Variants in GRID1 observed in about 807,000 individuals in gnomAD.
The protein encoded by GRID1 is glutamate ionotropic receptor delta type subunit 1, also known as glutamate receptor ionotropic, delta-1.
GRID1 carries 28 observed loss-of-function variants against 98.0 expected under a neutral mutation model. The ratio of observed to expected loss-of-function variants is 0.29; its 90% CI spans 0.21 to 0.39. The LOEUF (loss-of-function observed/expected upper bound fraction) is 0.39, where lower values mean the gene tolerates loss of function less well. Among genes scored for constraint, GRID1 ranks in the 10% least tolerant of loss-of-function variants. The pLI, the probability that GRID1 is intolerant of heterozygous loss-of-function variation, is 1.00. For missense variants in GRID1, 1,111 were observed against 1,340.5 expected, an observed-to-expected ratio of 0.83 and a Z score of 2.67; for synonymous variants, 553 against 538.5, an observed-to-expected ratio of 1.03 and a Z score of -0.37.
intron 2 of GRID1, among the ~76,000 whole-genome samples, chr10:86,363,566 C>G (rs1024596550): frequency 5.9e-5 from 9 of 152,146 alleles, no homozygotes; most frequent in Admixed American, 5.9e-4. Flanking sequence ...GAGGTGCGCC[C>G]GATACAGGTA....
intron 3 of GRID1, among the ~76,000 whole-genome samples, chr10:86,160,991 CTAAA>C (rs2131986320): frequency 6.6e-6 from 1 of 152,336 alleles, no homozygotes; most frequent in Admixed American, 6.5e-5. Context: ...GGGTGCTCCC[CTAAA>C]TACTCAAGAA....
chr10:85,703,020 A>G (rs1380202712), intron 12 of GRID1, among the ~76,000 whole-genome samples: 1 of 151,920 alleles, frequency 6.6e-6, no homozygotes, highest in Non-Finnish European at 1.5e-5. Context: ...GGGAGAAGAG[A>G]GAAAGTTGTG....
chr10:85,707,082 C>G (rs1205315633), intron 12 of GRID1, among the ~76,000 whole-genome samples: 1 of 152,174 alleles, frequency 6.6e-6, no homozygotes, highest in Non-Finnish European at 1.5e-5. Context: ...ACACCAAAAG[C>G]AATGACAACA....
chr10:85,783,570 CACA>C (rs1842399605), intron 8 of GRID1, among the ~76,000 whole-genome samples: 1 of 152,266 alleles, frequency 6.6e-6, no homozygotes, highest in African/African-American at 2.4e-5. Flanking sequence ...TCTGAGGATT[CACA>C]GAAAATAAAC....
chr10:86,239,026 C>A (rs995651825), intron 2 of GRID1, among the ~76,000 whole-genome samples: 2 of 152,174 alleles, frequency 1.3e-5, no homozygotes, highest in Non-Finnish European at 2.9e-5. Flanking sequence ...GATCCACCAA[C>A]AGCTTGCAAC....
Position 86,139,860 on chromosome 10 carries a change from T to C in GRID1, c.521-836A>G, listed in dbSNP as rs142119403. On this transcript the variant is annotated intron_variant, in intron 3 of 15. Coordinates refer to ENST00000327946, the MANE Select transcript of GRID1 (RefSeq NM_017551.3). ...TAGTTGCACTGCACACTGCTACAAA[T>C]CTATCCTTGTGAGGCCTGAGGGTGC... 7.6e-4 allele frequency among the ~76,000 whole-genome samples: 115 copies of C among 152,284 alleles called. 1 individual carries two copies. In the East Asian group the frequency reaches 0.012, roughly 16 times the overall value.
intron 5 of GRID1, among the ~76,000 whole-genome samples, chr10:85,907,738 A>G (rs1841482477): frequency 6.6e-6 from 1 of 152,186 alleles, no homozygotes; most frequent in Non-Finnish European, 1.5e-5. Flanking sequence ...TTAAATACCA[A>G]TATACCTGGT....
chr10:86,194,420 C>T (rs761254646), intron 3 of GRID1, among the ~76,000 whole-genome samples: 1 of 152,106 alleles, frequency 6.6e-6, no homozygotes, highest in Non-Finnish European at 1.5e-5. Flanking sequence ...TGTCACCAAA[C>T]AATGCCCGGG....
chr10:85,648,975 C>T (rs758498900), intron 12 of GRID1, among the ~76,000 whole-genome samples: 23 of 152,204 alleles, frequency 1.5e-4, no homozygotes, highest in Non-Finnish European at 2.5e-4. Context: ...TTAACTTATC[C>T]GTGCCTCAGT....
At chr10:85,946,313 G>C (rs1457449682) in intron 4 of GRID1, among the ~76,000 whole-genome samples, 1 of 152,194 alleles carries the variant, frequency 6.6e-6, no homozygotes, top group Non-Finnish European at 1.5e-5. Context: ...TGTGCTCAAT[G>C]CCCTGAGAAG....
chr10:86,306,882 T>C (rs73338239), intron 2 of GRID1, among the ~76,000 whole-genome samples: 10,870 of 152,262 alleles, frequency 0.071, 1,103 homozygotes, highest in African/African-American at 0.23. Context: ...TCCACCTTTG[T>C]TGCGATACAG....
intron 8 of GRID1, among the ~76,000 whole-genome samples, chr10:85,840,413 T>A (rs1187357853): frequency 6.6e-6 from 1 of 152,114 alleles, no homozygotes; most frequent in Non-Finnish European, 1.5e-5. Flanking sequence ...AGCATTCCCC[T>A]TGAAAACTGG....
rs568611741 is a variant in GRID1 at position 85,901,212 on chromosome 10, A to ATTTAT, written c.780+14969_780+14973dup. 3.7e-3 allele frequency among the ~76,000 whole-genome samples: 548 copies of ATTTAT among 149,400 alleles called. 3 individuals are homozygous for ATTTAT. Among genetic ancestry groups the ATTTAT allele is most frequent in the African/African-American group, 0.013 (505 of 40,018 alleles). ...AGAGCTATCTTTTATTTATTTATTCATTTATTTTATTTTATTTTATTTATT... is the reference window on the plus strand; with the variant it reads ...AGAGCTATCTTTTATTTATTTATTCATTTATTTTATTTTATTTTATTTTATTTATT... On this transcript the variant is annotated intron_variant, in intron 5 of 15. Transcript: ENST00000327946.
At chr10:85,670,881 C>T (rs1841077834) in intron 12 of GRID1, among the ~76,000 whole-genome samples, 1 of 152,204 alleles carries the variant, frequency 6.6e-6, no homozygotes, top group Non-Finnish European at 1.5e-5. Flanking sequence ...TGGTTTGCCA[C>T]TCCTCCCTTA....
At chr10:85,772,571 G>C (rs939471782) in intron 8 of GRID1, among the ~76,000 whole-genome samples, 2 of 152,122 alleles carry the variant, frequency 1.3e-5, no homozygotes, top group Non-Finnish European at 2.9e-5. Flanking sequence ...CTGATAGACT[G>C]CTAGCAAGAC....
At chr10:86,300,930 G>A (rs1429553849) in intron 2 of GRID1, among the ~76,000 whole-genome samples, 1 of 152,224 alleles carries the variant, frequency 6.6e-6, no homozygotes, top group Non-Finnish European at 1.5e-5. Context: ...GGGAAGGGCA[G>A]AGAGTGGGAG....
At chr10:86,112,366 C>G (rs1844501767) in intron 4 of GRID1, among the ~76,000 whole-genome samples, 1 of 152,176 alleles carries the variant, frequency 6.6e-6, no homozygotes, top group African/African-American at 2.4e-5. Flanking sequence ...CTGTTTTTCT[C>G]AAAGCTGTGA....
intron 2 of GRID1, among the ~76,000 whole-genome samples, chr10:86,357,089 C>T (rs1204658088): frequency 6.6e-6 from 1 of 152,192 alleles, no homozygotes; most frequent in East Asian, 1.9e-4. Flanking sequence ...GTACTCATGT[C>T]CTAGACCTAG....
chr10:85,786,767 C>G (rs1842433225), intron 8 of GRID1, among the ~76,000 whole-genome samples: 1 of 152,196 alleles, frequency 6.6e-6, no homozygotes. Context: ...CAGGACCCGG[C>G]TGATAGGAAG....
Sources: allele counts gnomAD v4.1 joint callset (sites outside exome capture counted in the v4.1 genomes callset), GRCh38; gene constraint gnomAD v4.1.1; transcripts MANE v1.5; gene names NCBI Gene and HGNC (gene_info 2026-07-23, HGNC 2026-07-21).